Variants in WWOX observed in about 807,000 individuals in gnomAD.
The protein encoded by WWOX is WW domain containing oxidoreductase.
In WWOX, 69 loss-of-function variants were observed where a neutral mutation model predicts 46.2. That is an observed-to-expected ratio of 1.49 (90% confidence interval 1.23 to 1.82). The LOEUF (loss-of-function observed/expected upper bound fraction) is 1.82. WWOX is among the 40% of genes most tolerant of loss of function. The pLI is 0.00. For synonymous variants in WWOX, 359 were observed against 202.6 expected, an observed-to-expected ratio of 1.77 and a Z score of -6.56; for missense variants, 919 against 542.6, an observed-to-expected ratio of 1.69 and a Z score of -6.89.
At chr16:78,573,676 C>T (rs180766187) in intron 8 of WWOX, among the ~76,000 whole-genome samples, 17 of 152,286 alleles carry the variant, frequency 1.1e-4, no homozygotes, top group African/African-American at 4.1e-4. Flanking sequence ...CTGTAGACAG[C>T]CATAAGATGG....
chr16:78,906,798 C>T lies in WWOX; in HGVS notation c.1057-304810C>T, dbSNP rs117463210. 7.5e-3 allele frequency among the ~76,000 whole-genome samples: 1,149 copies of T among 152,284 alleles called. 4 individuals carry two copies. The highest frequency in any genetic ancestry group is 0.011 in the Non-Finnish European group (776 of 68,022). On this transcript the variant is annotated intron_variant, in intron 8 of 8. Transcript: ENST00000566780. The stretch of plus-strand genomic sequence containing the variant: ...GACAAGGTCTTCTGACCCTTTATCA[C>T]CCACAGTGTTTTATTCATTTGCTCT...
In WWOX at chr16:78,585,155, G is replaced by T. The variant is rs112381842; in HGVS notation, c.1056+152403G>T. On this transcript the variant is annotated intron_variant, in intron 8 of 8. Coordinates refer to ENST00000566780, the MANE Select transcript of WWOX (RefSeq NM_016373.4). ...CTAAATTCAGCGTCAGATGTACAAG[G>T]CTGTGGTTCTGACCACCCCCGGGCT... Among the ~76,000 whole-genome samples, 650 of 152,302 alleles carry T rather than the reference G, an allele frequency of 4.3e-3. 7 individuals carry two copies. Among genetic ancestry groups the T allele is most frequent in the African/African-American group, 0.014 (592 of 41,556 alleles).
intron 8 of WWOX, among the ~76,000 whole-genome samples, chr16:79,018,736 C>G (rs902213824): frequency 6.6e-6 from 1 of 152,156 alleles, no homozygotes; most frequent in South Asian, 2.1e-4. Flanking sequence ...AGCCATAAAC[C>G]AGGGTCTTTC....
At chr16:79,021,567 A>G (rs1485584475) in intron 8 of WWOX, among the ~76,000 whole-genome samples, 2 of 152,204 alleles carry the variant, frequency 1.3e-5, no homozygotes. Context: ...ACTACTAATT[A>G]TCAAAACAGT....
At chr16:79,006,912 C>G (rs536891196) in intron 8 of WWOX, among the ~76,000 whole-genome samples, 1 of 152,168 alleles carries the variant, frequency 6.6e-6, no homozygotes, top group Admixed American at 6.5e-5. Context: ...CACTGGATGA[C>G]CCAGAATCAT....
chr16:78,781,509 T>C (rs1420434742), intron 8 of WWOX, among the ~76,000 whole-genome samples: 2 of 152,202 alleles, frequency 1.3e-5, no homozygotes, highest in Non-Finnish European at 1.5e-5. Context: ...GTATAGACAT[T>C]ATGACCCTTT....
At chr16:78,827,676 TA>T (rs11150103) in intron 8 of WWOX, among the ~76,000 whole-genome samples, 4,260 of 136,392 alleles carry the variant, frequency 0.031, 191 homozygotes, top group African/African-American at 0.11. Context: ...CTACTAAAAA[TA>T]AAAAAAAAAA....
chr16:78,782,816 T>C (rs1305697200), intron 8 of WWOX, among the ~76,000 whole-genome samples: 1 of 152,200 alleles, frequency 6.6e-6, no homozygotes, highest in Non-Finnish European at 1.5e-5. Flanking sequence ...TAAGATGTAC[T>C]GTTATTTTAT....
chr16:78,392,907 T>G (rs1180297036), intron 6 of WWOX, among the ~76,000 whole-genome samples: 1 of 152,152 alleles, frequency 6.6e-6, no homozygotes, highest in Non-Finnish European at 1.5e-5. Flanking sequence ...CTAAGTTTTC[T>G]GGGTGGTCAG....
intron 8 of WWOX, among the ~76,000 whole-genome samples, chr16:78,927,968 C>G (rs193164946): frequency 6.6e-6 from 1 of 151,728 alleles, no homozygotes; most frequent in Non-Finnish European, 1.5e-5. Flanking sequence ...TAAACAATCT[C>G]AGGGTTTTTG....
At chr16:78,922,642 G>C (rs2045405878) in intron 8 of WWOX, among the ~76,000 whole-genome samples, 1 of 152,172 alleles carries the variant, frequency 6.6e-6, no homozygotes, top group African/African-American at 2.4e-5. Context: ...GCCTCCCAAA[G>C]TGCTGGGATT....
intron 8 of WWOX, among the ~76,000 whole-genome samples, chr16:78,476,775 A>G (rs1487018036): frequency 6.6e-6 from 1 of 152,188 alleles, no homozygotes; most frequent in East Asian, 1.9e-4. Context: ...GCATATCTCT[A>G]AGGGCTAAGT....
chr16:78,231,776 A>G (rs1362135345), intron 5 of WWOX, among the ~76,000 whole-genome samples: 1 of 152,156 alleles, frequency 6.6e-6, no homozygotes, highest in Non-Finnish European at 1.5e-5. Flanking sequence ...CCAGGGTAGG[A>G]ACGGGTCCCA....
chr16:79,131,707 A>G (rs1487028068), intron 8 of WWOX, among the ~76,000 whole-genome samples: 1 of 152,052 alleles, frequency 6.6e-6, no homozygotes, highest in East Asian at 1.9e-4. Flanking sequence ...AAAACAGGAC[A>G]TGGGTGATCA....
chr16:79,112,204 C>A (rs529831563), intron 8 of WWOX, among the ~76,000 whole-genome samples: 53 of 152,248 alleles, frequency 3.5e-4, no homozygotes, highest in African/African-American at 1.3e-3. Context: ...AAGTATTATA[C>A]ATGCCAAACA....
intron 8 of WWOX, among the ~76,000 whole-genome samples, chr16:78,472,933 G>C (rs994315586): frequency 5.3e-5 from 8 of 152,100 alleles, no homozygotes; most frequent in Admixed American, 1.3e-4. Context: ...GGTTTAGCAC[G>C]GGAAAAAGCA....
chr16:79,003,880 A>T (rs769793152), intron 8 of WWOX, among the ~76,000 whole-genome samples: 1 of 152,018 alleles, frequency 6.6e-6, no homozygotes, highest in Non-Finnish European at 1.5e-5. Context: ...AGGGACACAG[A>T]CTCCACCTCT....
At chr16:78,439,494 G>C (rs2083401358) in intron 8 of WWOX, among the ~76,000 whole-genome samples, 1 of 152,140 alleles carries the variant, frequency 6.6e-6, no homozygotes, top group Non-Finnish European at 1.5e-5. Flanking sequence ...ACGTCATTAT[G>C]TCCAAAGCTT....
chr16:79,102,010 T>G (rs1218787669), intron 8 of WWOX, among the ~76,000 whole-genome samples: 1 of 130,982 alleles, frequency 7.6e-6, no homozygotes, highest in African/African-American at 2.8e-5. Context: ...TCCCAGCAGA[T>G]GAAGACCAAA....
Sources: gnomAD v4.1 joint callset for allele counts (sites outside exome capture counted in the v4.1 genomes callset) on GRCh38, gnomAD v4.1.1 for gene constraint, MANE v1.5 for transcripts, NCBI Gene and HGNC (gene_info 2026-07-23, HGNC 2026-07-21) for gene names.